The following ABCC12 variants were observed in gnomAD, a reference collection of about 807,000 sequenced individuals.
ABCC12 encodes ATP binding cassette subfamily C member 12, also known as ATP-binding cassette sub-family C member 12.
In ABCC12, 142 loss-of-function variants were observed where a neutral mutation model predicts 151.1. The observed-to-expected ratio is 0.94, with a 90% CI of 0.82 to 1.08. ABCC12 has a LOEUF of 1.08. ABCC12 is among the 50% of genes least tolerant of loss of function. The probability of loss-of-function intolerance (pLI) is 0.00; values close to 1 mark genes in which losing one functional copy is unlikely to be tolerated. For missense variants in ABCC12, 1,638 were observed against 1,691.1 expected (o/e 0.97, Z 0.55); for synonymous variants, 645 against 646.4 (o/e 1.00, Z 0.03).
intron 18 of ABCC12, among the ~76,000 whole-genome samples, chr16:48,111,002 A>G (rs1567449556): frequency 1.3e-5 from 2 of 152,196 alleles, no homozygotes; most frequent in East Asian, 3.8e-4. Context: ...ATCCGTTCTC[A>G]ATGCTCCCCA....
At chr16:48,105,095 G>C in intron 21 of ABCC12, 44 bp downstream of exon 21, 1 of 1,610,308 alleles carries the variant, frequency 6.2e-7, no homozygotes, top group Non-Finnish European at 8.5e-7. Context: ...CGTATACCTT[G>C]TTGACTGAAT....
chr16:48,104,102 G>A, intron 22 of ABCC12, 40 bp downstream of exon 22: 2 of 1,558,564 alleles, frequency 1.3e-6, no homozygotes, highest in Non-Finnish European at 1.8e-6. Context: ...GTCAGTGTGT[G>A]TGTGTATCGT....
In ABCC12 at chr16:48,083,777, C is replaced by CTTCA; in HGVS notation, c.4014_4017dup (p.Val1340Ter). ...GCAGAATCTGGCTTCTCTGCAAGGA[C>CTTCA]TTCAGGCTTGTCAAACTCAATCACC... is the stretch of plus-strand genomic sequence containing the variant. On this transcript the variant is annotated stop_gained and frameshift_variant, in exon 31 of 31. Transcript: ENST00000311303. LOFTEE classifies it high-confidence loss of function. 2.5e-6 allele frequency: 4 copies of CTTCA among 1,614,228 alleles called. No homozygotes were observed. The highest frequency in any genetic ancestry group is 2.5e-6 in the Non-Finnish European group (3 of 1,180,044).
rs1161774755 is a variant in ABCC12 at position 48,130,870 on chromosome 16, T to G, written c.1154A>C (p.Asn385Thr). ...GATTGCAATGGAAAACTTCATTACATTAAACATGGCAATCACACTAAATGC... is the reference window on the plus strand; with the variant it reads ...GATTGCAATGGAAAACTTCATTACAGTAAACATGGCAATCACACTAAATGC... Reference protein sequence around the residue: ...PVAFSVIAMFNVMKFSIAILP... With the variant: ...PVAFSVIAMFTVMKFSIAILP... Residue 385 changes from asparagine (N) to threonine (T), a missense_variant, in exon 10 of 31, where the codon AAT becomes ACT. By Grantham distance (65) the Asn-to-Thr change is moderately conservative. Coordinates refer to ENST00000311303, the MANE Select transcript of ABCC12 (RefSeq NM_001393797.1). The G allele has an allele frequency of 6.2e-7, 1 of 1,612,626 alleles. No individual in the cohort carries two copies. Among genetic ancestry groups the G allele is most frequent in the Non-Finnish European group, 8.5e-7 (1 of 1,179,026 alleles).
chr16:48,137,863 T>G (rs776326693), intron 8 of ABCC12, among the ~76,000 whole-genome samples: 4 of 152,222 alleles, frequency 2.6e-5, no homozygotes, highest in Non-Finnish European at 4.4e-5. Flanking sequence ...TGTGTAACCC[T>G]GGATGTGTGA....
At chr16:48,147,365 C>A (rs919665253) in intron 2 of ABCC12, among the ~76,000 whole-genome samples, 23 of 152,296 alleles carry the variant, frequency 1.5e-4, no homozygotes, top group Non-Finnish European at 3.1e-4. Flanking sequence ...TAGATAAATT[C>A]TCCTTTTTTA....
At chr16:48,135,256 C>G (rs1964570570) in intron 8 of ABCC12, among the ~76,000 whole-genome samples, 1 of 152,134 alleles carries the variant, frequency 6.6e-6, no homozygotes, top group African/African-American at 2.4e-5. Flanking sequence ...AATAAAGGCC[C>G]TCCTTTCTCC....
chr16:48,087,863 G>A, intron 27 of ABCC12, 63 bp downstream of exon 27: 1 of 1,558,824 alleles, frequency 6.4e-7, no homozygotes, highest in Non-Finnish European at 8.7e-7. Context: ...ACATCACAAA[G>A]TTCTTGGTCA....
At position 48,103,794 on chromosome 16, in the gene ABCC12, C is replaced by T. The variant is rs114536291; in HGVS notation, c.2900+348G>A. ...CGACACTGTGCAAAGCTGCCTAAGGCCTTTCTCTAAACACACCCATGGTTA... is the reference window on the plus strand; with the variant it reads ...CGACACTGTGCAAAGCTGCCTAAGGTCTTTCTCTAAACACACCCATGGTTA... On this transcript the variant is annotated intron_variant, in intron 22 of 30. Transcript: ENST00000311303. Among the ~76,000 whole-genome samples the T allele has an allele frequency of 9.8e-3, 1,490 of 152,292 alleles. 29 individuals carry two copies. The highest frequency in any genetic ancestry group is 0.034 in the African/African-American group (1,429 of 41,558).
chr16:48,114,984 C>T (rs1483784385), intron 15 of ABCC12, among the ~76,000 whole-genome samples: 1 of 152,260 alleles, frequency 6.6e-6, no homozygotes, highest in South Asian at 2.1e-4. Flanking sequence ...GCATCTGGGC[C>T]CCTCATCCAA....
intron 20 of ABCC12, 56 bp from the exon 21 acceptor site, chr16:48,105,392 A>C: frequency 6.6e-7 from 1 of 1,518,058 alleles, no homozygotes; most frequent in Non-Finnish European, 8.9e-7. Flanking sequence ...CCAGGAGAAC[A>C]GGAATTTTCC....
chr16:48,144,075 A>G lies in ABCC12; in HGVS notation c.120-10T>C. ...CGGGTTGGGTGCTAACCTGCAGACAAACAAGACACTCAGCGTTCCAGGCAC... is the reference window on the plus strand; with the variant it reads ...CGGGTTGGGTGCTAACCTGCAGACAGACAAGACACTCAGCGTTCCAGGCAC... On this transcript the variant is annotated splice_polypyrimidine_tract_variant and intron_variant, in intron 3 of 30. Coordinates refer to ENST00000311303, the MANE Select transcript of ABCC12 (RefSeq NM_001393797.1). 1 of 1,610,058 alleles carries G rather than the reference A, an allele frequency of 6.2e-7. No homozygotes were observed. The highest frequency in any genetic ancestry group is 8.5e-7 in the Non-Finnish European group (1 of 1,177,342).
At chr16:48,141,521 T>C (rs1259175319) in intron 4 of ABCC12, among the ~76,000 whole-genome samples, 168 bp from the exon 5 acceptor site, 1 of 152,170 alleles carries the variant, frequency 6.6e-6, no homozygotes, top group African/African-American at 2.4e-5. Flanking sequence ...AGGTGGGATT[T>C]GGGAAGGGCA....
chr16:48,135,763 G>A (rs1964588027), intron 8 of ABCC12, among the ~76,000 whole-genome samples: 1 of 152,198 alleles, frequency 6.6e-6, no homozygotes, highest in Non-Finnish European at 1.5e-5. Context: ...CACCTGCCTG[G>A]TGTCCCAAGA....
chr16:48,133,612 G>A (rs780704004), intron 9 of ABCC12, 75 bp downstream of exon 9: 58 of 1,548,770 alleles, frequency 3.7e-5, no homozygotes, highest in African/African-American at 1.4e-4. Context: ...ATTGAGCGAC[G>A]GTAGGAAGGG....
At chr16:48,084,940 G>A (rs1962519618) in intron 29 of ABCC12, among the ~76,000 whole-genome samples, 1 of 152,018 alleles carries the variant, frequency 6.6e-6, no homozygotes, top group Non-Finnish European at 1.5e-5. Flanking sequence ...CCGAGGCTCT[G>A]TTCCCTCGTA....
intron 23 of ABCC12, among the ~76,000 whole-genome samples, chr16:48,098,089 T>TCA (rs1160695062): frequency 1.4e-4 from 15 of 105,124 alleles, no homozygotes; most frequent in Non-Finnish European, 2.7e-4. Context: ...CTGCCCCACC[T>TCA]GACACACACA....
Position 48,088,004 on chromosome 16 carries a change from C to A in ABCC12, c.3557G>T (p.Cys1186Phe). 6.2e-7 allele frequency: 1 copy of A among 1,614,230 alleles called. No homozygotes were observed. The highest frequency in any genetic ancestry group is 1.1e-5 in the South Asian group (1 of 91,086). The change falls in exon 27 of 31, where the codon TGC becomes TTC. Residue 1186 changes from cysteine (C) to phenylalanine (F), a missense_variant. By Grantham distance (205) the Cys-to-Phe change is radical. Transcript: ENST00000311303. The stretch of plus-strand genomic sequence containing the variant: ...TCTGAGGTCTTCCAAGCTGAGAATG[C>A]AGATATCCACCTCATCAATAAAGAT... The part of the protein sequence containing the change: ...GTIFIDEVDI[C>F]ILSLEDLRTK...
At chr16:48,132,762 A>G (rs1964471921) in intron 9 of ABCC12, among the ~76,000 whole-genome samples, 2 of 152,226 alleles carry the variant, frequency 1.3e-5, no homozygotes, top group African/African-American at 4.8e-5. Context: ...TAAGAAGAAT[A>G]GCTGACACTT....
Sources: allele counts gnomAD v4.1 joint callset (sites outside exome capture counted in the v4.1 genomes callset), GRCh38; gene constraint gnomAD v4.1.1; transcripts MANE v1.5; gene names NCBI Gene and HGNC (gene_info 2026-07-23, HGNC 2026-07-21).